Variants in STIM1 observed in about 807,000 individuals in gnomAD.
The protein encoded by STIM1 is stromal interaction molecule 1.
In STIM1, 25 loss-of-function variants were observed where a neutral mutation model predicts 74.7. That is an observed-to-expected ratio of 0.33 (90% CI 0.24 to 0.47). The LOEUF (loss-of-function observed/expected upper bound fraction) is 0.47, where lower values mean the gene tolerates loss of function less well. Among genes scored for constraint, STIM1 ranks in the 20% least tolerant of loss-of-function variants. The pLI is 1.00. For missense variants in STIM1, 728 were observed against 920.8 expected (o/e 0.79, Z 2.71); for synonymous variants, 328 against 348.8 (o/e 0.94, Z 0.66).
Position 3,941,673 on chromosome 11 carries a change from T to TATATAGAGAGAG in STIM1, c.140-25878_140-25877insTATAGAGAGAGA, listed in dbSNP as rs141623520. 6.6e-3 allele frequency among the ~76,000 whole-genome samples: 602 copies of TATATAGAGAGAG among 90,670 alleles called. 2 individuals are homozygous for TATATAGAGAGAG. Among genetic ancestry groups the TATATAGAGAGAG allele is most frequent in the South Asian group, 0.019 (47 of 2,476 alleles). 59.5% of individuals were successfully genotyped at this position (90,670 alleles called of 152,430 possible). ...GTATACATATATATATATATATATA[T>TATATAGAGAGAG]AGAGAGAGAGAGAGAGAGAGAGAGT... On this transcript the variant is annotated intron_variant, in intron 1 of 12. Coordinates refer to ENST00000526596, the MANE Select transcript of STIM1 (RefSeq NM_001382567.1).
chr11:3,997,748 G>A (rs1163125520), intron 2 of STIM1, among the ~76,000 whole-genome samples: 1 of 152,218 alleles, frequency 6.6e-6, no homozygotes, highest in African/African-American at 2.4e-5. Context: ...TTGGGAATGA[G>A]AGGAAGTGGC....
chr11:3,944,350 G>C (rs988224034), intron 1 of STIM1, among the ~76,000 whole-genome samples: 3 of 152,216 alleles, frequency 2.0e-5, no homozygotes, highest in Non-Finnish European at 2.9e-5. Context: ...TCTCATGGCA[G>C]CCAAGGTTTT....
rs1565104860 is a variant in STIM1 at position 3,895,674 on chromosome 11, CCTTCCTTCCTTCTTTCTTTCTTTCTTTCT to C, written c.139+39266_139+39294del. 8.2e-4 allele frequency among the ~76,000 whole-genome samples: 38 copies of C among 46,402 alleles called. 1 individual carries two copies. Among genetic ancestry groups the C allele is most frequent in the East Asian group, 2.4e-3 (3 of 1,262 alleles). 30.4% of individuals were successfully genotyped at this position (46,402 alleles called of 152,430 possible). On this transcript the variant is annotated intron_variant, in intron 1 of 12. Coordinates refer to ENST00000526596, the MANE Select transcript of STIM1 (RefSeq NM_001382567.1). ...TCTTTCTTTCTTTCTTTCTTTCTTT[CCTTCCTTCCTTCTTTCTTTCTTTCTTTCT>C]TTCTTTCTTTCTTTCTTTCTTTCTT...
intron 1 of STIM1, among the ~76,000 whole-genome samples, chr11:3,928,365 G>T (rs1321002486): frequency 6.6e-6 from 1 of 151,762 alleles, no homozygotes; most frequent in Non-Finnish European, 1.5e-5. Context: ...AGCTGGGACT[G>T]CAGGTGTGTG....
intron 1 of STIM1, among the ~76,000 whole-genome samples, chr11:3,939,023 C>T (rs986895587): frequency 6.6e-6 from 1 of 152,168 alleles, no homozygotes; most frequent in African/African-American, 2.4e-5. Context: ...ACTGTTCTCC[C>T]TTTATGTTTG....
In STIM1 at chr11:4,074,702, G is replaced by A. The variant is rs373852959; in HGVS notation, c.969+23G>A. ...CAGGTAGGAGAGTCCACAAATTCCT[G>A]GACACCTTGACGGGTGGGTAAAGGG... On this transcript the variant is annotated intron_variant, in intron 7 of 12. Coordinates refer to ENST00000526596, the MANE Select transcript of STIM1 (RefSeq NM_001382567.1). The A allele has an allele frequency of 7.1e-6, 11 of 1,551,894 alleles. No individual in the cohort carries two copies. The African/African-American group carries it at 1.4e-4, about 19-fold the overall frequency.
chr11:3,981,479 G>T (rs2093504648), intron 2 of STIM1, among the ~76,000 whole-genome samples: 1 of 152,112 alleles, frequency 6.6e-6, no homozygotes, highest in Non-Finnish European at 1.5e-5. Flanking sequence ...CGTTATTTTT[G>T]AATTTTGAAT....
At chr11:4,086,775 T>C (rs1352342043) in intron 12 of STIM1, 2 of 1,536,772 alleles carry the variant, frequency 1.3e-6, no homozygotes, top group Non-Finnish European at 1.7e-6. Flanking sequence ...ACCACAGCAC[T>C]TCCTATTTCC....
intron 3 of STIM1, among the ~76,000 whole-genome samples, chr11:4,036,495 C>T (rs2094103919): frequency 6.6e-6 from 1 of 152,304 alleles, no homozygotes; most frequent in African/African-American, 2.4e-5. Context: ...GTTCCTTTTT[C>T]TCTGCAACCT....
At chr11:4,013,623 C>T (rs2093862672) in intron 2 of STIM1, among the ~76,000 whole-genome samples, 1 of 149,092 alleles carries the variant, frequency 6.7e-6, no homozygotes, top group South Asian at 2.1e-4. Context: ...TTTTTTATTG[C>T]ATCTGTATGA....
At chr11:3,894,416 T>C (rs1590535499) in intron 1 of STIM1, among the ~76,000 whole-genome samples, 1 of 151,598 alleles carries the variant, frequency 6.6e-6, no homozygotes, top group South Asian at 2.1e-4. Context: ...GAGTGGGGGG[T>C]TCTGCTTTGA....
At chr11:3,964,052 T>C (rs1210809671) in intron 1 of STIM1, among the ~76,000 whole-genome samples, 1 of 152,236 alleles carries the variant, frequency 6.6e-6, no homozygotes, top group East Asian at 1.9e-4. Context: ...TTTTAAAAAG[T>C]CTGTGCAGCA....
At chr11:4,058,800 A>G (rs1157868577) in intron 4 of STIM1, 2 of 988,636 alleles carry the variant, frequency 2.0e-6, no homozygotes, top group Admixed American at 5.5e-5. Context: ...CCTTTTCTAT[A>G]TTTCATTTCA....
intron 1 of STIM1, among the ~76,000 whole-genome samples, chr11:3,885,201 C>T (rs1484531645): frequency 1.3e-5 from 2 of 149,000 alleles, no homozygotes; most frequent in Admixed American, 1.3e-4. Flanking sequence ...TTTTTTGAGA[C>T]AGTATCTCAC....
chr11:3,884,904 A>G (rs1325089801), intron 1 of STIM1, among the ~76,000 whole-genome samples: 1 of 152,224 alleles, frequency 6.6e-6, no homozygotes. Flanking sequence ...TGAAAAGGCT[A>G]CATATTGTAT....
chr11:4,084,917 T>C (rs1042448427), intron 11 of STIM1, among the ~76,000 whole-genome samples, 152 bp downstream of exon 11: 1 of 151,964 alleles, frequency 6.6e-6, no homozygotes, highest in Non-Finnish European at 1.5e-5. Flanking sequence ...CAGGGAGGGG[T>C]TCGGGGGTGA....
At chr11:4,081,101 T>C (rs1358818881) in intron 7 of STIM1, among the ~76,000 whole-genome samples, 2 of 152,208 alleles carry the variant, frequency 1.3e-5, no homozygotes, top group Non-Finnish European at 2.9e-5. Context: ...CCTCCTGGCC[T>C]ATCTTAGCTG....
At chr11:4,026,166 G>C (rs1464469203) in intron 3 of STIM1, among the ~76,000 whole-genome samples, 1 of 152,150 alleles carries the variant, frequency 6.6e-6, no homozygotes, top group Non-Finnish European at 1.5e-5. Flanking sequence ...TGTCAGCAGT[G>C]GTCACTTGTG....
chr11:3,992,217 A>G lies in STIM1; in HGVS notation c.270+24535A>G, dbSNP rs564725114. 1.4e-3 allele frequency among the ~76,000 whole-genome samples: 207 copies of G among 148,580 alleles called. 1 individual carries two copies. Among genetic ancestry groups the G allele is most frequent in the Middle Eastern group, 3.5e-3 (1 of 286 alleles). On this transcript the variant is annotated intron_variant, in intron 2 of 12. Coordinates refer to ENST00000526596, the MANE Select transcript of STIM1 (RefSeq NM_001382567.1). ...TGAAGCCAGGAGTTCGAGACCAGCC[A>G]GGGCAATGTGGCAGAACTTGGTCTC...
Sources: allele counts gnomAD v4.1 joint callset (sites outside exome capture counted in the v4.1 genomes callset), GRCh38; gene constraint gnomAD v4.1.1; transcripts MANE v1.5; gene names NCBI Gene and HGNC (gene_info 2026-07-23, HGNC 2026-07-21).